PATJ: variants seen among roughly 807,000 people sequenced by gnomAD.
PATJ encodes PATJ crumbs cell polarity complex component, also known as inaD-like protein.
Under a neutral mutation model 224.9 loss-of-function variants are expected in PATJ, and 190 were observed. The observed-to-expected ratio is 0.84, with a 90% CI of 0.75 to 0.95. The LOEUF (loss-of-function observed/expected upper bound fraction) is 0.95. PATJ is among the 40% of genes least tolerant of loss of function. The pLI, the probability that PATJ is intolerant of heterozygous loss-of-function variation, is 0.00. For missense variants in PATJ, 2,121 were observed against 2,270.3 expected (o/e 0.93, Z 1.34); for synonymous variants, 769 against 820.3 (o/e 0.94, Z 1.07).
At chr1:62,100,546 A>C (rs1662025792) in intron 33 of PATJ, 1 of 579,112 alleles carries the variant, frequency 1.7e-6, no homozygotes, top group African/African-American at 1.9e-5. Context: ...ACCTCTTAAT[A>C]CTGTCACAAT....
At chr1:62,132,933 T>G (rs548762705) in intron 41 of PATJ, among the ~76,000 whole-genome samples, 26 of 151,728 alleles carry the variant, frequency 1.7e-4, no homozygotes, top group African/African-American at 6.0e-4. Context: ...CATAAGTAAG[T>G]GAATAGGTGT....
intron 27 of PATJ, among the ~76,000 whole-genome samples, chr1:61,982,863 A>G (rs80097130): frequency 0.025 from 3,746 of 152,052 alleles, 203 homozygotes; most frequent in African/African-American, 0.086. Context: ...GGCTTCAAGT[A>G]TTAGGTTGGT....
intron 14 of PATJ, among the ~76,000 whole-genome samples, chr1:61,812,427 A>AGTGTGTGTGTGT (rs1203727955): frequency 8.9e-6 from 1 of 112,974 alleles, no homozygotes; most frequent in East Asian, 2.3e-4. Flanking sequence ...AGAGAGAGAG[A>AGTGTGTGTGTGT]GAGAGAGTGT....
intron 30 of PATJ, among the ~76,000 whole-genome samples, chr1:62,049,243 TCA>T (rs60099928): frequency 0.024 from 3,233 of 137,140 alleles, 146 homozygotes; most frequent in Admixed American, 0.13. Context: ...AAGTAAGCAA[TCA>T]CACACACACA....
At chr1:61,983,600 A>G (rs1329668705) in intron 27 of PATJ, among the ~76,000 whole-genome samples, 1 of 152,040 alleles carries the variant, frequency 6.6e-6, no homozygotes, top group Non-Finnish European at 1.5e-5. Flanking sequence ...GTTTGGAGCA[A>G]TGTCAGAACA....
chr1:62,088,845 C>CAT (rs200329630), intron 33 of PATJ, among the ~76,000 whole-genome samples: 4,452 of 146,134 alleles, frequency 0.03, 88 homozygotes, highest in East Asian at 0.079. Context: ...ATATATAGAA[C>CAT]ATATATATAT....
chr1:62,042,126 A>G (rs1441837570), intron 30 of PATJ, among the ~76,000 whole-genome samples: 1 of 152,248 alleles, frequency 6.6e-6, no homozygotes, highest in Non-Finnish European at 1.5e-5. Context: ...TTTGTGTGCC[A>G]TTATTTGTAT....
intron 14 of PATJ, among the ~76,000 whole-genome samples, chr1:61,809,136 G>C (rs969970979): frequency 7.2e-5 from 11 of 152,166 alleles, no homozygotes; most frequent in African/African-American, 2.4e-4. Context: ...GGTGCCAGAA[G>C]ACAACTTCGA....
rs528111879 is a variant in PATJ, at chr1:62,113,930, TGCCTTGAGATTG to T, written c.4462-120_4462-109del. ...ATACTGCTTGTGGTCACTACCTGTTTGCCTTGAGATTGGCTGGAAATTTCTAGAGATTCTTTA... is the reference window on the plus strand; with the variant it reads ...ATACTGCTTGTGGTCACTACCTGTTTGCTGGAAATTTCTAGAGATTCTTTA... On this transcript the variant is annotated intron_variant, in intron 34 of 43. Coordinates refer to ENST00000642238, the MANE Select transcript of PATJ (RefSeq NM_001350145.3). 139 of 897,778 alleles carry T rather than the reference TGCCTTGAGATTG, an allele frequency of 1.5e-4. No individual in the cohort carries two copies. The African/African-American group carries it at 2.1e-3, about 14-fold the overall frequency. The allele number at this position is 897,778 out of a possible 1,614,324, so 55.6% of individuals were successfully genotyped here.
In PATJ at chr1:62,116,551, A is replaced by C. The variant is rs752340485; in HGVS notation, c.4675A>C (p.Ile1559Leu). 3 of 1,614,056 alleles carry C rather than the reference A, an allele frequency of 1.9e-6. No homozygotes were observed. Among genetic ancestry groups the C allele is most frequent in the Non-Finnish European group, 2.5e-6 (3 of 1,179,986 alleles). Residue 1559 changes from isoleucine (I) to leucine (L), a missense_variant, in exon 36 of 44, where the codon ATT becomes CTT. By Grantham distance (5) the Ile-to-Leu change is conservative. Transcript: ENST00000642238. ...TAACAGAAATGGAAGCGGAGTGTTT[A>C]TTTCTGACATCGTGAAAGGCGGAGC... ...VGKRNGSGVF[I>L]SDIVKGGAAD...
intron 39 of PATJ, among the ~76,000 whole-genome samples, chr1:62,127,424 T>C (rs1238908881): frequency 6.6e-6 from 1 of 151,842 alleles, no homozygotes; most frequent in Non-Finnish European, 1.5e-5. Flanking sequence ...GGAATTTTTT[T>C]TTTTTTTTGA....
chr1:62,127,935 T>G (rs756794320), intron 39 of PATJ, 37 bp from the exon 40 acceptor site: 1 of 1,610,984 alleles, frequency 6.2e-7, no homozygotes, highest in Middle Eastern at 1.7e-4. Flanking sequence ...TGGCTCTTTA[T>G]TAAATATAAA....
At chr1:62,122,833 AAAAAG>A (rs1665247308) in intron 38 of PATJ, among the ~76,000 whole-genome samples, 183 bp from the exon 39 acceptor site, 1 of 152,094 alleles carries the variant, frequency 6.6e-6, no homozygotes, top group African/African-American at 2.4e-5. Context: ...CAAAAAAAAA[AAAAAG>A]AGGACATGGC....
At chr1:61,763,946 C>T (rs901567310) in intron 3 of PATJ, among the ~76,000 whole-genome samples, 12 of 152,246 alleles carry the variant, frequency 7.9e-5, no homozygotes, top group African/African-American at 2.9e-4. Flanking sequence ...GCATGAGCCA[C>T]CTTGCCCAGG....
intron 24 of PATJ, among the ~76,000 whole-genome samples, chr1:61,907,309 T>A (rs191671866): frequency 5.1e-4 from 77 of 152,356 alleles, no homozygotes; most frequent in Middle Eastern, 3.4e-3. Context: ...TTTAAGGTCC[T>A]AGTTTCAGGT....
chr1:62,144,777 A>ATATAT (rs1553280094), intron 41 of PATJ, among the ~76,000 whole-genome samples: 15,240 of 118,898 alleles, frequency 0.13, 1,368 homozygotes, highest in Middle Eastern at 0.22. Flanking sequence ...AAAAAAAAAA[A>ATATAT]ATATATATAT....
rs145234899 is a variant in PATJ, at chr1:61,766,557, G to C, written c.384+84G>C. Reference sequence around the variant, plus strand: ...AAAGGAGCTTATACTCATTCTTTTTGCTGTAAAATGTATTAGTATGTATTT... The same window carrying C: ...AAAGGAGCTTATACTCATTCTTTTTCCTGTAAAATGTATTAGTATGTATTT... On this transcript the variant is annotated intron_variant, in intron 4 of 43. Transcript: ENST00000642238. The C allele has an allele frequency of 2.8e-4, 253 of 913,548 alleles. 2 individuals are homozygous for C. The African/African-American group carries it at 4.1e-3, about 15-fold the overall frequency. The allele number at this position is 913,548 out of a possible 1,614,324, so 56.6% of individuals were successfully genotyped here.
intron 29 of PATJ, among the ~76,000 whole-genome samples, chr1:62,030,634 A>C (rs1649059540): frequency 6.6e-6 from 1 of 152,236 alleles, no homozygotes; most frequent in Non-Finnish European, 1.5e-5. Flanking sequence ...AATATAGACT[A>C]TTCGTTCACC....
intron 37 of PATJ, among the ~76,000 whole-genome samples, chr1:62,120,160 A>G (rs1664882668): frequency 6.6e-6 from 1 of 152,228 alleles, no homozygotes; most frequent in African/African-American, 2.4e-5. Context: ...TTACTTTGAA[A>G]TGAATTTTTT....
Sources: gnomAD v4.1 joint callset for allele counts (sites outside exome capture counted in the v4.1 genomes callset) on GRCh38, gnomAD v4.1.1 for gene constraint, MANE v1.5 for transcripts, NCBI Gene and HGNC (gene_info 2026-07-23, HGNC 2026-07-21) for gene names.